ASCL5: variants seen among roughly 807,000 people sequenced by gnomAD.
ASCL5 encodes the protein achaete-scute homolog 5.
For synonymous variants in ASCL5, 124 were observed against 131.5 expected (o/e 0.94, Z 0.39); for missense variants, 262 against 268.9 (o/e 0.97, Z 0.18).
intron 1 of ASCL5, among the ~76,000 whole-genome samples, chr1:201,117,727 C>T (rs997949003): frequency 6.6e-6 from 1 of 152,194 alleles, no homozygotes; most frequent in Non-Finnish European, 1.5e-5. Context: ...ACTGCCTGAG[C>T]GCTCCGGCTT....
At chr1:201,120,746 T>C (rs960464710) in intron 1 of ASCL5, among the ~76,000 whole-genome samples, 2 of 152,208 alleles carry the variant, frequency 1.3e-5, no homozygotes, top group Non-Finnish European at 2.9e-5. Flanking sequence ...AGGTCAGGAA[T>C]TGGCTGAACA....
intron 1 of ASCL5, among the ~76,000 whole-genome samples, chr1:201,126,781 C>T (rs982589897): frequency 3.3e-5 from 5 of 152,152 alleles, no homozygotes; most frequent in Admixed American, 3.3e-4. Context: ...CAGACCCAGG[C>T]CTAGCTCTCC....
chr1:201,125,879 A>T (rs914000874), intron 1 of ASCL5, among the ~76,000 whole-genome samples: 1 of 152,120 alleles, frequency 6.6e-6, no homozygotes, highest in South Asian at 2.1e-4. Context: ...GAGCCGTGTC[A>T]CCTTCCTTTA....
chr1:201,114,508 G>A lies in ASCL5; in HGVS notation c.*244C>T, dbSNP rs1663287741. On this transcript the variant is annotated 3_prime_UTR_variant, in exon 2 of 2. Coordinates refer to ENST00000449188, the MANE Select transcript of ASCL5 (RefSeq NM_001270601.2). ...CGCAGGACGCCCGGAGCAGTCCCAG[G>A]CCCTGCCCCTCGCTTCACCCACGGA... 1 of 346,392 alleles carries A rather than the reference G, an allele frequency of 2.9e-6. No homozygotes were observed. The highest frequency in any genetic ancestry group is 5.2e-6 in the Non-Finnish European group (1 of 194,148). 21.5% of individuals were successfully genotyped at this position (346,392 alleles called of 1,614,324 possible). A position where few individuals can be genotyped will look rare whatever the true frequency, so the allele number is the denominator to read the frequency against.
intron 1 of ASCL5, among the ~76,000 whole-genome samples, chr1:201,120,848 T>G (rs1256857312): frequency 1.3e-5 from 2 of 152,210 alleles, no homozygotes; most frequent in East Asian, 3.8e-4. Context: ...TCTGAGAGAT[T>G]TCTGAGAGTT....
At chr1:201,123,627 G>A (rs912139307) in intron 1 of ASCL5, among the ~76,000 whole-genome samples, 1 of 152,266 alleles carries the variant, frequency 6.6e-6, no homozygotes, top group African/African-American at 2.4e-5. Context: ...CTGGGACTGG[G>A]GCATCGTCAT....
At position 201,115,078 on chromosome 1, in the gene ASCL5, C is replaced by G; in HGVS notation, c.295G>C (p.Val99Leu). The change falls in exon 2 of 2, where the codon GTC (valine) becomes CTC (leucine). Residue 99 changes from valine (V) to leucine (L), a missense_variant. Transcript: ENST00000449188. ...CGGAGGCGAGCGTAGCCCTCGTTGA[C>G]GCACTTGACTCGCTGCCTCTCGCGC... is the stretch of plus-strand genomic sequence containing the variant. Reference protein sequence around the residue: ...NERERQRVKCVNEGYARLRGH... With the variant: ...NERERQRVKCLNEGYARLRGH... 8.1e-7 allele frequency: 1 copy of G among 1,231,946 alleles called. No homozygotes were observed. Among genetic ancestry groups the G allele is most frequent in the Non-Finnish European group, 1.0e-6 (1 of 988,140 alleles). The allele number at this position is 1,231,946 out of a possible 1,614,324, so 76.3% of individuals were successfully genotyped here. A position where few individuals can be genotyped will look rare whatever the true frequency, so the allele number is the denominator to read the frequency against.
intron 1 of ASCL5, among the ~76,000 whole-genome samples, chr1:201,122,624 C>T (rs1367472198): frequency 2.0e-5 from 3 of 152,164 alleles, no homozygotes; most frequent in Admixed American, 6.5e-5. Context: ...GGCCGGGCAG[C>T]GGTCCCCACC....
intron 1 of ASCL5, among the ~76,000 whole-genome samples, chr1:201,124,258 C>T (rs1369752611): frequency 1.3e-5 from 2 of 152,182 alleles, no homozygotes; most frequent in African/African-American, 4.8e-5. Flanking sequence ...GAGGAACAGT[C>T]AGCCTCAGAG....
rs983928594 is a variant in ASCL5, at chr1:201,114,750, G to T, written c.*2C>A. 2 of 1,230,854 alleles carry T rather than the reference G, an allele frequency of 1.6e-6. No homozygotes were observed. Among genetic ancestry groups the T allele is most frequent in the African/African-American group, 3.1e-5 (2 of 64,482 alleles). The allele number at this position is 1,230,854 out of a possible 1,614,324, so 76.2% of individuals were successfully genotyped here. A position where few individuals can be genotyped will look rare whatever the true frequency, so the allele number is the denominator to read the frequency against. On this transcript the variant is annotated 3_prime_UTR_variant, in exon 2 of 2. Transcript: ENST00000449188. ...CCAAGCCGGGGGCGGCCACAGGCCC[G>T]ATCAATGCCAGGATTCCTCCGACTC...
At chr1:201,123,398 G>A (rs2102202234) in intron 1 of ASCL5, among the ~76,000 whole-genome samples, 1 of 152,276 alleles carries the variant, frequency 6.6e-6, no homozygotes, top group South Asian at 2.1e-4. Context: ...AAGAAAAAAG[G>A]ACTGCATCTT....
rs184061032 is a variant in ASCL5, at chr1:201,126,304, T to C, written c.-506+780A>G. ...CCATGCTGGGTTGTTAAAAATTTTT[T>C]TGTAGAGACAGAATCTTGAACTTCT... On this transcript the variant is annotated intron_variant, in intron 1 of 1. Coordinates refer to ENST00000449188, the MANE Select transcript of ASCL5 (RefSeq NM_001270601.2). 1.5e-3 allele frequency among the ~76,000 whole-genome samples: 228 copies of C among 152,140 alleles called. 2 individuals are homozygous for C. The highest frequency in any genetic ancestry group is 5.3e-3 in the African/African-American group (220 of 41,520).
Position 201,114,974 on chromosome 1 carries a change from C to T in ASCL5, c.399G>A (p.Lys133=). The T allele has an allele frequency of 8.1e-7, 1 of 1,231,590 alleles. No individual in the cohort carries two copies. The highest frequency in any genetic ancestry group is 1.0e-6 in the Non-Finnish European group (1 of 987,914). 76.3% of individuals were successfully genotyped at this position (1,231,590 alleles called of 1,614,324 possible). A position where few individuals can be genotyped will look rare whatever the true frequency, so the allele number is the denominator to read the frequency against. Reference sequence around the variant, plus strand: ...CCGAGCTCAGCAGCTCTTGCAGGTACTTTATGTAGCGGATGGCGGCGCGCA... The same window carrying T: ...CCGAGCTCAGCAGCTCTTGCAGGTATTTTATGTAGCGGATGGCGGCGCGCA... ...ETLRAAIRYI[K]YLQELLSSAP... is the part of the protein sequence containing the mutation. Residue 133 remains lysine, a synonymous_variant, in exon 2 of 2, where the codon AAG becomes AAA. Coordinates refer to ENST00000449188, the MANE Select transcript of ASCL5 (RefSeq NM_001270601.2).
At chr1:201,119,997 C>A (rs1663417981) in intron 1 of ASCL5, among the ~76,000 whole-genome samples, 1 of 152,186 alleles carries the variant, frequency 6.6e-6, no homozygotes, top group Admixed American at 6.5e-5. Flanking sequence ...TGGGAAGCAG[C>A]CGAGCAGATG....
chr1:201,117,926 C>T (rs114960455), intron 1 of ASCL5, among the ~76,000 whole-genome samples: 1,551 of 152,272 alleles, frequency 0.01, 33 homozygotes, highest in African/African-American at 0.035. Context: ...GGGATCCAGA[C>T]TACACTCTCC....
intron 1 of ASCL5, among the ~76,000 whole-genome samples, chr1:201,123,766 G>A (rs1261875496): frequency 1.3e-5 from 2 of 152,206 alleles, no homozygotes; most frequent in Non-Finnish European, 2.9e-5. Flanking sequence ...TGGCTCAGGA[G>A]CCCGACACCT....
intron 1 of ASCL5, 35 bp from the exon 2 acceptor site, chr1:201,115,912 T>C (rs1370336417): frequency 1.3e-5 from 2 of 152,220 alleles, no homozygotes; most frequent in Non-Finnish European, 2.9e-5. Context: ...ACATATCAGT[T>C]AGGAAAGACC....
At chr1:201,119,731 G>T (rs897237828) in intron 1 of ASCL5, among the ~76,000 whole-genome samples, 3 of 152,104 alleles carry the variant, frequency 2.0e-5, no homozygotes, top group African/African-American at 7.2e-5. Flanking sequence ...AGTTGCATCA[G>T]CATTAGGCAA....
chr1:201,123,632 C>T (rs1663523075), intron 1 of ASCL5, among the ~76,000 whole-genome samples: 1 of 152,140 alleles, frequency 6.6e-6, no homozygotes, highest in African/African-American at 2.4e-5. Flanking sequence ...ACTGGGGCAT[C>T]GTCATCCTGT....
Sources: allele counts gnomAD v4.1 joint callset (sites outside exome capture counted in the v4.1 genomes callset), GRCh38; gene constraint gnomAD v4.1.1; transcripts MANE v1.5; gene names NCBI Gene and HGNC (gene_info 2026-07-23, HGNC 2026-07-21).